Variants in DNMBP observed in about 807,000 individuals in gnomAD.
DNMBP encodes the protein dynamin binding protein, also known as dynamin-binding protein.
DNMBP carries 87 observed loss-of-function variants against 150.0 expected under a neutral mutation model. That is an observed-to-expected ratio of 0.58 (90% CI 0.49 to 0.69). The LOEUF is 0.69. Ranked by LOEUF, DNMBP falls within the 30% of genes least tolerant of loss-of-function variation. The probability of loss-of-function intolerance (pLI) is 0.00; values close to 1 mark genes in which losing one functional copy is unlikely to be tolerated. For synonymous variants in DNMBP, 711 were observed against 750.4 expected, an observed-to-expected ratio of 0.95 and a Z score of 0.86; for missense variants, 1,774 against 1,949.0, an observed-to-expected ratio of 0.91 and a Z score of 1.69.
In DNMBP at chr10:99,918,695, T is replaced by C. The variant is rs2039992738; in HGVS notation, c.2261-9549A>G. ...AATTATCCTGCCTTAGCCTCCCGAG[T>C]AGCTGGGATTACAGGCACCTGCCAC... On this transcript the variant is annotated intron_variant, in intron 4 of 16. Coordinates refer to ENST00000324109, the MANE Select transcript of DNMBP (RefSeq NM_015221.4). 2.0e-5 allele frequency among the ~76,000 whole-genome samples: 3 copies of C among 151,444 alleles called. No homozygotes were observed. In the South Asian group the frequency reaches 6.2e-4, roughly 31 times the overall value.
intron 4 of DNMBP, among the ~76,000 whole-genome samples, chr10:99,912,036 C>A (rs1331435095): frequency 1.3e-5 from 2 of 152,142 alleles, no homozygotes; most frequent in Non-Finnish European, 2.9e-5. Context: ...CAGATTATAT[C>A]CCTGAACTCA....
At chr10:99,988,089 A>T (rs1004279729) in intron 1 of DNMBP, among the ~76,000 whole-genome samples, 16 of 150,830 alleles carry the variant, frequency 1.1e-4, no homozygotes, top group African/African-American at 3.9e-4. Flanking sequence ...AAAAAAAAAA[A>T]TCATGAATAG....
intron 2 of DNMBP, among the ~76,000 whole-genome samples, chr10:99,971,702 T>C (rs2040678827): frequency 2.6e-5 from 4 of 151,788 alleles, no homozygotes; most frequent in Admixed American, 2.0e-4. Flanking sequence ...GTATTTTTAG[T>C]AGAGACAGGG....
chr10:99,940,824 T>C (rs1018674357), intron 4 of DNMBP, among the ~76,000 whole-genome samples: 14 of 152,090 alleles, frequency 9.2e-5, no homozygotes, highest in Non-Finnish European at 4.4e-5. Context: ...GGTCACCAAA[T>C]CCCACAGTCA....
intron 3 of DNMBP, among the ~76,000 whole-genome samples, chr10:99,959,894 G>A (rs1326806021): frequency 6.6e-6 from 1 of 151,614 alleles, no homozygotes; most frequent in Non-Finnish European, 1.5e-5. Flanking sequence ...TTTAGTAAAG[G>A]GTTCTTTGTT....
At chr10:99,991,285 G>A (rs2040888572) in intron 1 of DNMBP, among the ~76,000 whole-genome samples, 1 of 151,894 alleles carries the variant, frequency 6.6e-6, no homozygotes, top group African/African-American at 2.4e-5. Context: ...CACTATGTCA[G>A]CCAGGGTGGT....
At chr10:99,989,896 A>G (rs1221718590) in intron 1 of DNMBP, among the ~76,000 whole-genome samples, 2 of 150,598 alleles carry the variant, frequency 1.3e-5, no homozygotes, top group African/African-American at 4.9e-5. Context: ...AAACCCATAC[A>G]TAACTCTTAC....
At position 99,883,925 on chromosome 10, in the gene DNMBP, T is replaced by C. The variant is rs559413745; in HGVS notation, c.3997+86A>G. 7 of 1,330,364 alleles carry C rather than the reference T, an allele frequency of 5.3e-6. No homozygotes were observed. In the African/African-American group the frequency reaches 1.0e-4, roughly 20 times the overall value. 82.4% of individuals were successfully genotyped at this position (1,330,364 alleles called of 1,614,324 possible). A position where few individuals can be genotyped will look rare whatever the true frequency, so the allele number is the denominator to read the frequency against. On this transcript the variant is annotated intron_variant, in intron 15 of 16. Coordinates refer to ENST00000324109, the MANE Select transcript of DNMBP (RefSeq NM_015221.4). ...TAATCAAAGATACTTTTTGCTTTTT[T>C]TTCCTGGCCTAGTCCAGATTCGGGT...
chr10:99,969,783 C>G (rs1322860941), intron 2 of DNMBP, among the ~76,000 whole-genome samples: 1 of 152,164 alleles, frequency 6.6e-6, no homozygotes, highest in Admixed American at 6.5e-5. Flanking sequence ...CCTTCTGTCT[C>G]TGGGTATATT....
Position 99,898,116 on chromosome 10 carries a change from T to C in DNMBP, c.2890A>G (p.Ile964Val), listed in dbSNP as rs987499924. ...TCCTTTCGCCGTTTATATTCATTAATGTTAACGTTGATTTCCTTGACCGCA... is the reference window on the plus strand; with the variant it reads ...TCCTTTCGCCGTTTATATTCATTAACGTTAACGTTGATTTCCTTGACCGCA... ...VLAVKEINVN[I>V]NEYKRRKDLV... Residue 964 changes from isoleucine (I) to valine (V), a missense_variant, in exon 9 of 17, where the codon ATT becomes GTT. Coordinates refer to ENST00000324109, the MANE Select transcript of DNMBP (RefSeq NM_015221.4). 2.5e-6 allele frequency: 4 copies of C among 1,614,146 alleles called. No homozygotes were observed. The highest frequency in any genetic ancestry group is 2.2e-5 in the South Asian group (2 of 91,084).
At chr10:99,971,848 C>T in intron 2 of DNMBP, 132 bp downstream of exon 2, 3 of 926,108 alleles carry the variant, frequency 3.2e-6, no homozygotes, top group Non-Finnish European at 4.8e-6. Flanking sequence ...TTCTTTCTTT[C>T]TTTCTTTCTT....
chr10:99,926,421 T>A (rs2040078951), intron 4 of DNMBP, among the ~76,000 whole-genome samples: 1 of 152,050 alleles, frequency 6.6e-6, no homozygotes, highest in Non-Finnish European at 1.5e-5. Flanking sequence ...ACAGATATTT[T>A]AAAAAATAAC....
intron 1 of DNMBP, among the ~76,000 whole-genome samples, chr10:99,986,493 G>C (rs1261907073): frequency 1.4e-5 from 2 of 147,840 alleles, no homozygotes; most frequent in African/African-American, 5.0e-5. Context: ...TTTTGAAAAA[G>C]AGAAAAGAAA....
intron 14 of DNMBP, 99 bp from the exon 15 acceptor site, chr10:99,884,308 C>G: frequency 1.0e-6 from 1 of 956,908 alleles, no homozygotes; most frequent in Non-Finnish European, 1.5e-6. Context: ...GAGGCAGGGA[C>G]AGTCAGTCAC....
chr10:99,970,426 C>T (rs895638099), intron 2 of DNMBP, among the ~76,000 whole-genome samples: 1 of 152,070 alleles, frequency 6.6e-6, no homozygotes. Context: ...TAACCAGGTG[C>T]GTGGAATGTG....
chr10:99,940,697 C>A (rs1179919087), intron 4 of DNMBP, among the ~76,000 whole-genome samples: 1 of 152,206 alleles, frequency 6.6e-6, no homozygotes, highest in Non-Finnish European at 1.5e-5. Context: ...CTTCGAAAGA[C>A]TTTTGAGCAC....
intron 4 of DNMBP, among the ~76,000 whole-genome samples, chr10:99,920,786 G>A (rs923836964): frequency 2.0e-5 from 3 of 152,094 alleles, no homozygotes; most frequent in South Asian, 4.2e-4. Flanking sequence ...TCAACCTCCT[G>A]GGCTCAAGCA....
At chr10:99,989,451 C>T (rs2040863528) in intron 1 of DNMBP, among the ~76,000 whole-genome samples, 1 of 152,230 alleles carries the variant, frequency 6.6e-6, no homozygotes, top group Non-Finnish European at 1.5e-5. Flanking sequence ...TGGCTCACGC[C>T]TGTAATCCCA....
Position 99,950,312 on chromosome 10 carries a change from C to T in DNMBP, c.2260+4902G>A, listed in dbSNP as rs146719989. On this transcript the variant is annotated intron_variant, in intron 4 of 16. Transcript: ENST00000324109. ...AAACCTCTTTCTTTTGTAAATTGCC[C>T]GGTCTTGGGTATGTCTTTATCAGCA... is the stretch of plus-strand genomic sequence containing the variant. 6.7e-3 allele frequency among the ~76,000 whole-genome samples: 1,017 copies of T among 152,222 alleles called. 11 individuals are homozygous for T. The highest frequency in any genetic ancestry group is 0.023 in the African/African-American group (972 of 41,520).
Sources: allele counts gnomAD v4.1 joint callset (sites outside exome capture counted in the v4.1 genomes callset), GRCh38; gene constraint gnomAD v4.1.1; transcripts MANE v1.5; gene names NCBI Gene and HGNC (gene_info 2026-07-23, HGNC 2026-07-21).